The following MEI4 variants were observed in gnomAD, a reference collection of about 807,000 sequenced individuals.
MEI4 encodes the protein meiosis-specific protein MEI4.
Under a neutral mutation model 31.4 loss-of-function variants are expected in MEI4, and 27 were observed. The ratio of observed to expected loss-of-function variants is 0.86; its 90% CI spans 0.63 to 1.19. MEI4 has a LOEUF of 1.19. Ranked by LOEUF, MEI4 falls within the 50% of genes most tolerant of loss-of-function variation. The pLI is 0.00. For missense variants in MEI4, 329 were observed against 398.9 expected, an observed-to-expected ratio of 0.82 and a Z score of 1.49; for synonymous variants, 122 against 145.4, an observed-to-expected ratio of 0.84 and a Z score of 1.16.
chr6:77,810,866 G>A (rs1913205), intron 3 of MEI4, among the ~76,000 whole-genome samples: 31,947 of 151,816 alleles, frequency 0.21, 3,817 homozygotes, highest in African/African-American at 0.32. Flanking sequence ...GGAATCCATG[G>A]TCTGTCTCCA....
chr6:77,726,655 G>A (rs916161892), intron 2 of MEI4, among the ~76,000 whole-genome samples: 3 of 151,872 alleles, frequency 2.0e-5, no homozygotes, highest in African/African-American at 7.3e-5. Context: ...AATAGGCCTG[G>A]TGTAAAATCT....
At chr6:77,899,001 G>A (rs998749308) in intron 4 of MEI4, among the ~76,000 whole-genome samples, 1 of 151,966 alleles carries the variant, frequency 6.6e-6, no homozygotes, top group Admixed American at 6.6e-5. Context: ...AGTATACTGG[G>A]CTGCACATTG....
At chr6:77,798,359 T>C (rs1769141007) in intron 3 of MEI4, among the ~76,000 whole-genome samples, 1 of 151,294 alleles carries the variant, frequency 6.6e-6, no homozygotes, top group Non-Finnish European at 1.5e-5. Flanking sequence ...AAATACAATG[T>C]ATTAATATTA....
At position 77,852,183 on chromosome 6, in the gene MEI4, C is replaced by A. The variant is rs9448234; in HGVS notation, c.900+23121C>A. 8.7e-3 allele frequency among the ~76,000 whole-genome samples: 1,319 copies of A among 152,178 alleles called. 20 individuals carry two copies. The highest frequency in any genetic ancestry group is 0.03 in the African/African-American group (1,242 of 41,494). On this transcript the variant is annotated intron_variant, in intron 4 of 4. Coordinates refer to ENST00000684080, the MANE Select transcript of MEI4 (RefSeq NM_001322247.2). ...GCCTCAGCCTCTCTGTATCAGAAAACCTTAGAGGGTCATGGGACGTGGCAA... is the reference window on the plus strand; with the variant it reads ...GCCTCAGCCTCTCTGTATCAGAAAAACTTAGAGGGTCATGGGACGTGGCAA...
intron 3 of MEI4, among the ~76,000 whole-genome samples, chr6:77,792,665 T>C (rs1768968506): frequency 6.6e-6 from 1 of 152,062 alleles, no homozygotes; most frequent in Admixed American, 6.6e-5. Context: ...TGATGTGAGA[T>C]AAGGATCTAA....
chr6:77,683,625 T>A (rs529894081), intron 1 of MEI4, among the ~76,000 whole-genome samples: 1 of 152,300 alleles, frequency 6.6e-6, no homozygotes, highest in South Asian at 2.1e-4. Context: ...TATTTTAGAT[T>A]TCACATATAG....
intron 2 of MEI4, among the ~76,000 whole-genome samples, chr6:77,694,886 A>G (rs9448156): frequency 1.3e-5 from 2 of 150,664 alleles, no homozygotes. Flanking sequence ...CCAACAGTGT[A>G]AAAGTGTTCC....
chr6:77,803,127 G>A (rs908213768), intron 3 of MEI4, among the ~76,000 whole-genome samples: 26 of 152,090 alleles, frequency 1.7e-4, no homozygotes, highest in Admixed American at 6.6e-4. Flanking sequence ...TGTAGATTTG[G>A]TCTTTTCACA....
At chr6:77,790,412 C>T (rs1026832462) in intron 3 of MEI4, among the ~76,000 whole-genome samples, 3 of 151,612 alleles carry the variant, frequency 2.0e-5, no homozygotes, top group Admixed American at 6.6e-5. Flanking sequence ...AAGAAAATAA[C>T]ATTGAATGAT....
chr6:77,660,565 T>G (rs1768485682), intron 1 of MEI4, among the ~76,000 whole-genome samples: 1 of 151,532 alleles, frequency 6.6e-6, no homozygotes, highest in Admixed American at 6.6e-5. Flanking sequence ...TTGGGGGGGC[T>G]TGGCCTAAGT....
chr6:77,782,306 T>C (rs1219151186), intron 3 of MEI4, among the ~76,000 whole-genome samples: 2 of 152,184 alleles, frequency 1.3e-5, no homozygotes, highest in Non-Finnish European at 2.9e-5. Flanking sequence ...TAAGACATTA[T>C]GTGATTTTAT....
intron 2 of MEI4, among the ~76,000 whole-genome samples, chr6:77,748,683 G>C (rs2127676700): frequency 6.6e-6 from 1 of 152,346 alleles, no homozygotes; most frequent in East Asian, 1.9e-4. Flanking sequence ...CAGCTGGCTT[G>C]AATTTCTCCC....
chr6:77,789,753 C>G (rs1231832241), intron 3 of MEI4, among the ~76,000 whole-genome samples: 1 of 152,106 alleles, frequency 6.6e-6, no homozygotes, highest in Non-Finnish European at 1.5e-5. Flanking sequence ...AGTCAGGAAA[C>G]AACAGGTGCT....
intron 4 of MEI4, among the ~76,000 whole-genome samples, chr6:77,866,216 G>T (rs1010466870): frequency 3.9e-5 from 6 of 151,998 alleles, no homozygotes; most frequent in African/African-American, 1.2e-4. Flanking sequence ...CATAGTGTTG[G>T]AAGTTCTGGC....
intron 3 of MEI4, among the ~76,000 whole-genome samples, chr6:77,811,668 A>C (rs1769576847): frequency 6.6e-6 from 1 of 151,684 alleles, no homozygotes; most frequent in African/African-American, 2.4e-5. Flanking sequence ...CCAGCTACTG[A>C]GGAGGCTGAG....
intron 3 of MEI4, among the ~76,000 whole-genome samples, chr6:77,811,711 G>C (rs769551041): frequency 4.6e-5 from 7 of 151,254 alleles, no homozygotes; most frequent in African/African-American, 1.2e-4. Flanking sequence ...GGAGGTGGAG[G>C]TTGCAGTGAG....
chr6:77,760,134 A>G (rs1768008480), intron 2 of MEI4, among the ~76,000 whole-genome samples: 2 of 152,236 alleles, frequency 1.3e-5, no homozygotes, highest in South Asian at 4.1e-4. Context: ...AAGATGAGGA[A>G]ATTCTAGAAG....
chr6:77,854,874 G>T (rs1370158282), intron 4 of MEI4, among the ~76,000 whole-genome samples: 1 of 149,340 alleles, frequency 6.7e-6, no homozygotes, highest in Non-Finnish European at 1.5e-5. Flanking sequence ...CTTTTCTAAG[G>T]TCAGAAACTG....
chr6:77,795,322 A>G (rs556059916), intron 3 of MEI4, among the ~76,000 whole-genome samples: 3 of 152,298 alleles, frequency 2.0e-5, no homozygotes, highest in African/African-American at 7.2e-5. Context: ...TGTGGAGTTT[A>G]GAGATCCAAA....
Sources: gnomAD v4.1 joint callset for allele counts (sites outside exome capture counted in the v4.1 genomes callset) on GRCh38, gnomAD v4.1.1 for gene constraint, MANE v1.5 for transcripts, NCBI Gene and HGNC (gene_info 2026-07-23, HGNC 2026-07-21) for gene names.